Variants in LONP2 observed in about 807,000 individuals in gnomAD.
LONP2 encodes lon peptidase 2, peroxisomal, also known as lon protease homolog 2, peroxisomal.
Under a neutral mutation model 85.6 loss-of-function variants are expected in LONP2, and 60 were observed. That is an observed-to-expected ratio of 0.70 (90% confidence interval 0.57 to 0.87). The LOEUF (loss-of-function observed/expected upper bound fraction) is 0.87. Ranked by LOEUF, LONP2 falls within the 40% of genes least tolerant of loss-of-function variation. The pLI is 0.00. For missense variants in LONP2, 860 were observed against 1,063.5 expected (o/e 0.81, Z 2.66); for synonymous variants, 395 against 389.7 (o/e 1.01, Z -0.16).
intron 7 of LONP2, among the ~76,000 whole-genome samples, chr16:48,274,873 A>G (rs774227255): frequency 6.6e-6 from 1 of 152,138 alleles, no homozygotes. Flanking sequence ...TTCTATTCCA[A>G]ATTCTTTGTA....
chr16:48,328,801 C>T (rs113936498), intron 11 of LONP2, among the ~76,000 whole-genome samples: 37 of 147,526 alleles, frequency 2.5e-4, no homozygotes, highest in African/African-American at 9.3e-4. Flanking sequence ...GCTGAGATCA[C>T]ACCACTACGC....
chr16:48,331,534 T>C (rs1170679771), intron 11 of LONP2, among the ~76,000 whole-genome samples: 1 of 152,042 alleles, frequency 6.6e-6, no homozygotes, highest in African/African-American at 2.4e-5. Context: ...TGATAAATAG[T>C]GCATTGCTCT....
chr16:48,346,773 G>A (rs1597003639), intron 12 of LONP2, among the ~76,000 whole-genome samples: 1 of 152,248 alleles, frequency 6.6e-6, no homozygotes, highest in Non-Finnish European at 1.5e-5. Context: ...CTTCTTAAAG[G>A]TCTGCTAGTA....
intron 14 of LONP2, 80 bp from the exon 15 acceptor site, chr16:48,351,501 C>T: frequency 1.8e-6 from 2 of 1,082,452 alleles, no homozygotes; most frequent in Non-Finnish European, 2.7e-6. Flanking sequence ...TGGTTAAATT[C>T]AGTGAAAGAA....
intron 1 of LONP2, among the ~76,000 whole-genome samples, chr16:48,246,347 T>C (rs1244563856): frequency 6.6e-6 from 1 of 152,216 alleles, no homozygotes; most frequent in Non-Finnish European, 1.5e-5. Flanking sequence ...CTCTGCTCCT[T>C]CTGCTTACTT....
rs545128183 is a variant in LONP2, at chr16:48,339,592, C to A, written c.1938+5234C>A. Among the ~76,000 whole-genome samples, 17 of 152,154 alleles carry A rather than the reference C, an allele frequency of 1.1e-4. No homozygotes were observed. In the East Asian group the frequency reaches 1.7e-3, roughly 16 times the overall value. ...ATAGTAGCTGCTGCTGAGAGTAATC[C>A]AGTAGAGAGCACAGACTGATGTTGC... is the stretch of plus-strand genomic sequence containing the variant. On this transcript the variant is annotated intron_variant, in intron 12 of 14. Transcript: ENST00000285737.
chr16:48,267,560 A>G (rs1253176502), intron 6 of LONP2, among the ~76,000 whole-genome samples: 2 of 151,796 alleles, frequency 1.3e-5, no homozygotes, highest in East Asian at 1.9e-4. Flanking sequence ...TTGTCCTCCA[A>G]AAGTGCTGGG....
chr16:48,296,087 C>CT lies in LONP2; in HGVS notation c.1461dup (p.Ile488TyrfsTer37). On this transcript the variant is annotated frameshift_variant, in exon 9 of 15. Transcript: ENST00000285737. LOFTEE classifies it high-confidence loss of function. ...TGTGGCCTTTGACCTTTCTCAAGTT[C>CT]TTTTTATAGCTACTGCCAACACCAC... 6.2e-7 allele frequency: 1 copy of CT among 1,614,132 alleles called. No individual in the cohort carries two copies. Among genetic ancestry groups the CT allele is most frequent in the Non-Finnish European group, 8.5e-7 (1 of 1,180,012 alleles).
chr16:48,256,602 C>T lies in LONP2; in HGVS notation c.469-8C>T. The T allele has an allele frequency of 1.9e-6, 3 of 1,604,724 alleles. No homozygotes were observed. Among genetic ancestry groups the T allele is most frequent in the Non-Finnish European group, 2.5e-6 (3 of 1,177,618 alleles). On this transcript the variant is annotated splice_polypyrimidine_tract_variant and splice_region_variant and intron_variant, in intron 2 of 14. Coordinates refer to ENST00000285737, the MANE Select transcript of LONP2 (RefSeq NM_031490.5). ...TTTCATTTAAAAGACTTTTTTTCCC[C>T]CTTCTAGTTGGTTGAAATGTTGGAT...
At chr16:48,264,871 G>A (rs187561379) in intron 6 of LONP2, among the ~76,000 whole-genome samples, 2 of 152,204 alleles carry the variant, frequency 1.3e-5, no homozygotes, top group South Asian at 2.1e-4. Context: ...CCCGCAACAC[G>A]CTGTACCAAT....
At chr16:48,312,099 C>A (rs1303964734) in intron 11 of LONP2, among the ~76,000 whole-genome samples, 4 of 151,964 alleles carry the variant, frequency 2.6e-5, no homozygotes, top group Non-Finnish European at 4.4e-5. Context: ...CGTTACCATG[C>A]CTGGCTAATT....
At chr16:48,350,570 C>G (rs1960111951) in intron 14 of LONP2, among the ~76,000 whole-genome samples, 1 of 152,196 alleles carries the variant, frequency 6.6e-6, no homozygotes, top group Non-Finnish European at 1.5e-5. Flanking sequence ...ATGAACAAAA[C>G]CTTGAAAGAA....
At chr16:48,252,844 C>CAA (rs1323655980) in intron 2 of LONP2, among the ~76,000 whole-genome samples, 2 of 152,132 alleles carry the variant, frequency 1.3e-5, no homozygotes, top group African/African-American at 4.8e-5. Flanking sequence ...GAAGGAAGCA[C>CAA]ATTTTAGATA....
At position 48,320,528 on chromosome 16, in the gene LONP2, T is replaced by TA. The variant is rs113350665; in HGVS notation, c.1796-13676dup. 3.5e-3 allele frequency among the ~76,000 whole-genome samples: 516 copies of TA among 145,660 alleles called. 1 individual carries two copies. The highest frequency in any genetic ancestry group is 0.011 in the African/African-American group (429 of 39,984). ...GATTTTACAAATAAGCCAAGATTAT[T>TA]AAAAAAAAAAAATAGATCTAGAGAG... On this transcript the variant is annotated intron_variant, in intron 11 of 14. Transcript: ENST00000285737.
At chr16:48,300,120 A>C (rs915480899) in intron 10 of LONP2, among the ~76,000 whole-genome samples, 1 of 152,254 alleles carries the variant, frequency 6.6e-6, no homozygotes, top group Non-Finnish European at 1.5e-5. Context: ...TTGATCATTT[A>C]AAAACCAAAT....
chr16:48,349,317 T>C (rs1385805244), intron 14 of LONP2, among the ~76,000 whole-genome samples: 1 of 152,102 alleles, frequency 6.6e-6, no homozygotes, highest in Non-Finnish European at 1.5e-5. Flanking sequence ...CTTACCCAGG[T>C]TGGAGTACAG....
At position 48,244,443 on chromosome 16, in the gene LONP2, C is replaced by T. The variant is rs1971218478; in HGVS notation, c.55C>T (p.His19Tyr). 6.3e-7 allele frequency: 1 copy of T among 1,595,050 alleles called. No homozygotes were observed. Among genetic ancestry groups the T allele is most frequent in the South Asian group, 1.1e-5 (1 of 89,212 alleles). Residue 19 changes from histidine (H) to tyrosine (Y), a missense_variant, in exon 1 of 15, where the codon CAC becomes TAC. Physicochemically the swap from His to Tyr is moderately conservative, Grantham distance 83. Around this residue, in one of 3 missense-constraint regions of LONP2, gnomAD observed 743 missense variants for 917.3 expected, o/e 0.81. Transcript: ENST00000285737. ...IPSRLPLLLT[H>Y]EGVLLPGSTM... is the part of the protein sequence containing the mutation. ...CAGTCGCCTCCCGCTGCTGCTCACC[C>T]ACGAGGGCGTCCTGCTGCCCGGCTC...
In LONP2 at chr16:48,348,087, T is replaced by C. The variant is rs1211989649; in HGVS notation, c.2147-13T>C. ...AATTTTTCTACATTAAAGTCCCTTTTTCCTTTTTAAAGCTTTTGGAAGTTT... is the reference window on the plus strand; with the variant it reads ...AATTTTTCTACATTAAAGTCCCTTTCTCCTTTTTAAAGCTTTTGGAAGTTT... On this transcript the variant is annotated splice_polypyrimidine_tract_variant and intron_variant, in intron 13 of 14. Transcript: ENST00000285737. 2.5e-6 allele frequency: 4 copies of C among 1,582,300 alleles called. No homozygotes were observed. Among genetic ancestry groups the C allele is most frequent in the Non-Finnish European group, 3.4e-6 (4 of 1,171,512 alleles).
chr16:48,310,642 G>A (rs180860186), intron 11 of LONP2, among the ~76,000 whole-genome samples: 2 of 152,120 alleles, frequency 1.3e-5, no homozygotes, highest in East Asian at 3.9e-4. Flanking sequence ...GTGAACCACC[G>A]CAACCAGCCA....
Sources: gnomAD v4.1 joint callset for allele counts (sites outside exome capture counted in the v4.1 genomes callset) on GRCh38, gnomAD v4.1.1 for gene constraint, gnomAD v4.1.1 regional missense constraint, MANE v1.5 for transcripts, NCBI Gene and HGNC (gene_info 2026-07-23, HGNC 2026-07-21) for gene names.